ITGAV: variants seen among roughly 807,000 people sequenced by gnomAD.
ITGAV encodes integrin subunit alpha V.
ITGAV carries 76 observed loss-of-function variants against 143.8 expected under a neutral mutation model. The observed-to-expected ratio is 0.53, with a 90% CI of 0.44 to 0.64. The LOEUF (loss-of-function observed/expected upper bound fraction) is 0.64, where lower values mean the gene tolerates loss of function less well. ITGAV is among the 30% of genes least tolerant of loss of function. The pLI is 0.00. For synonymous variants in ITGAV, 453 were observed against 446.7 expected, an observed-to-expected ratio of 1.01 and a Z score of -0.18; for missense variants, 1,193 against 1,274.7, an observed-to-expected ratio of 0.94 and a Z score of 0.98.
chr2:186,630,491 A>G (rs1407257322), intron 4 of ITGAV, among the ~76,000 whole-genome samples: 4 of 151,834 alleles, frequency 2.6e-5, no homozygotes. Flanking sequence ...TTGGGTTGTG[A>G]TATAAATTAT....
chr2:186,663,203 T>C (rs1688795732), intron 18 of ITGAV, among the ~76,000 whole-genome samples: 1 of 152,166 alleles, frequency 6.6e-6, no homozygotes, highest in African/African-American at 2.4e-5. Context: ...TTCCTTCATC[T>C]TTTTCCAAAT....
intron 8 of ITGAV, among the ~76,000 whole-genome samples, chr2:186,637,481 C>CA (rs5836991): frequency 0.024 from 2,499 of 105,658 alleles, 22 homozygotes; most frequent in Middle Eastern, 0.083. Flanking sequence ...GACCCTGTCT[C>CA]AAAAAAAAAA....
intron 2 of ITGAV, among the ~76,000 whole-genome samples, chr2:186,620,495 G>A (rs1429011188): frequency 6.6e-6 from 1 of 152,204 alleles, no homozygotes; most frequent in African/African-American, 2.4e-5. Context: ...AGGCATGGTG[G>A]CTTACACCTG....
chr2:186,649,115 T>G (rs1688352822), intron 13 of ITGAV, among the ~76,000 whole-genome samples: 1 of 151,428 alleles, frequency 6.6e-6, no homozygotes, highest in Admixed American at 6.6e-5. Flanking sequence ...GATTGTATTT[T>G]GCTTTTCTTT....
In ITGAV at chr2:186,621,485, A is replaced by G. The variant is rs1687518189; in HGVS notation, c.317-854A>G. 2.0e-5 allele frequency among the ~76,000 whole-genome samples: 3 copies of G among 152,300 alleles called. No homozygotes were observed. In the South Asian group the frequency reaches 6.2e-4, roughly 32 times the overall value. ...TTACTGTTACCTACTCTAGTTCACA[A>G]TTCAAATTTCCACATTTATCCCAAT... On this transcript the variant is annotated intron_variant, in intron 2 of 29. Coordinates refer to ENST00000261023, the MANE Select transcript of ITGAV (RefSeq NM_002210.5).
intron 2 of ITGAV, among the ~76,000 whole-genome samples, chr2:186,611,014 C>A (rs1687200478): frequency 6.6e-6 from 1 of 152,110 alleles, no homozygotes; most frequent in Admixed American, 6.6e-5. Context: ...AAAATGGATT[C>A]ACTGGGCCAA....
rs1689306022 is a variant in ITGAV, at chr2:186,679,822, G to A, written c.*2530G>A. 1 of 151,836 alleles carries A rather than the reference G, an allele frequency of 6.6e-6. No individual in the cohort carries two copies. Among genetic ancestry groups the A allele is most frequent in the South Asian group, 2.1e-4 (1 of 4,822 alleles). 9.4% of individuals were successfully genotyped at this position (151,836 alleles called of 1,614,324 possible). A position where few individuals can be genotyped will look rare whatever the true frequency, so the allele number is the denominator to read the frequency against. ...CGATTATCACTGTAATTCTGAATCTGAAAGGTAAAACAATTAGTCAAAATA... is the reference window on the plus strand; with the variant it reads ...CGATTATCACTGTAATTCTGAATCTAAAAGGTAAAACAATTAGTCAAAATA... On this transcript the variant is annotated 3_prime_UTR_variant, in exon 30 of 30. Coordinates refer to ENST00000261023, the MANE Select transcript of ITGAV (RefSeq NM_002210.5).
In ITGAV at chr2:186,680,113, A is replaced by T. The variant is rs1316002011; in HGVS notation, c.*2821A>T. The stretch of plus-strand genomic sequence containing the variant: ...TCTTCCTAAGTTGCAAAATGTAATG[A>T]TGAGCTTGGTGGAGAAGAATGAGTC... On this transcript the variant is annotated 3_prime_UTR_variant, in exon 30 of 30. Coordinates refer to ENST00000261023, the MANE Select transcript of ITGAV (RefSeq NM_002210.5). 1 of 152,120 alleles carries T rather than the reference A, an allele frequency of 6.6e-6. No homozygotes were observed. The highest frequency in any genetic ancestry group is 2.1e-4 in the South Asian group (1 of 4,836). The allele number at this position is 152,120 out of a possible 1,614,324, so 9.4% of individuals were successfully genotyped here.
At chr2:186,640,790 C>A in intron 10 of ITGAV, 125 bp from the exon 11 acceptor site, 2 of 695,406 alleles carry the variant, frequency 2.9e-6, no homozygotes, top group Non-Finnish European at 4.8e-6. Flanking sequence ...AAAGACAAGA[C>A]ATTTAGATTG....
intron 18 of ITGAV, among the ~76,000 whole-genome samples, chr2:186,662,388 G>T (rs1471057458): frequency 6.6e-6 from 1 of 151,570 alleles, no homozygotes; most frequent in South Asian, 2.1e-4. Context: ...CGACAGTTAC[G>T]AATCTTTGTC....
chr2:186,669,722 G>T lies in ITGAV; in HGVS notation c.2614G>T (p.Glu872Ter). ...TTAGATCTCATCTTTGCAAACAACTGAAAAGAATGACACGGTTGCCGGGCA... is the reference window on the plus strand; with the variant it reads ...TTAGATCTCATCTTTGCAAACAACTTAAAAGAATGACACGGTTGCCGGGCA... Reference protein sequence around the residue: ...RIKISSLQTTEKNDTVAGQGE... With the variant: ...RIKISSLQTT The change falls in exon 26 of 30, where the codon GAA becomes TAA. Residue 872 changes from glutamate (E) to a stop codon, truncating the protein, a stop_gained. Coordinates refer to ENST00000261023, the MANE Select transcript of ITGAV (RefSeq NM_002210.5). LOFTEE classifies it high-confidence loss of function. 1 of 1,613,784 alleles carries T rather than the reference G, an allele frequency of 6.2e-7. No individual in the cohort carries two copies.
chr2:186,593,761 A>G (rs1200560253), intron 1 of ITGAV, among the ~76,000 whole-genome samples: 1 of 141,060 alleles, frequency 7.1e-6, no homozygotes, highest in Non-Finnish European at 1.5e-5. Context: ...AACCGTTTGC[A>G]GTCTAGTTAT....
intron 1 of ITGAV, among the ~76,000 whole-genome samples, chr2:186,593,193 A>G (rs1686661233): frequency 6.6e-6 from 1 of 152,280 alleles, no homozygotes; most frequent in Admixed American, 6.5e-5. Context: ...TGCTTTTTCC[A>G]GTTTTGGTGT....
In ITGAV at chr2:186,640,714, G is replaced by A. The variant is rs1289553706; in HGVS notation, c.904-201G>A. 3.9e-5 allele frequency among the ~76,000 whole-genome samples: 6 copies of A among 152,154 alleles called. No individual in the cohort carries two copies. The East Asian group carries it at 9.6e-4, about 24-fold the overall frequency. On this transcript the variant is annotated intron_variant, in intron 10 of 29. Coordinates refer to ENST00000261023, the MANE Select transcript of ITGAV (RefSeq NM_002210.5). ...ATTGTGTATATACATGTAATATATT[G>A]TGTCCATGATCTAGGAAAACAACAA...
intron 26 of ITGAV, among the ~76,000 whole-genome samples, chr2:186,671,448 A>G (rs1689060687): frequency 6.6e-6 from 1 of 152,094 alleles, no homozygotes; most frequent in Admixed American, 6.5e-5. Flanking sequence ...TTCTTTGTCC[A>G]GATATCCTTG....
intron 26 of ITGAV, among the ~76,000 whole-genome samples, chr2:186,672,375 T>G (rs1689091602): frequency 6.6e-6 from 1 of 152,248 alleles, no homozygotes; most frequent in Admixed American, 6.5e-5. Flanking sequence ...TGTGTTGCTA[T>G]GAACATTGAT....
chr2:186,651,599 A>G (rs1014722194), intron 14 of ITGAV, among the ~76,000 whole-genome samples: 7 of 152,142 alleles, frequency 4.6e-5, no homozygotes, highest in Admixed American at 6.5e-5. Flanking sequence ...CTCTCCCACT[A>G]AAACTATATG....
At chr2:186,598,419 ACT>A (rs1379308200) in intron 1 of ITGAV, among the ~76,000 whole-genome samples, 2 of 142,574 alleles carry the variant, frequency 1.4e-5, no homozygotes, top group Non-Finnish European at 3.0e-5. Context: ...GGAGGTGGGG[ACT>A]CTCTTACTCA....
chr2:186,671,831 G>A (rs1169194727), intron 26 of ITGAV, among the ~76,000 whole-genome samples: 1 of 151,740 alleles, frequency 6.6e-6, no homozygotes, highest in Non-Finnish European at 1.5e-5. Flanking sequence ...CTACTGATTT[G>A]CCTATTCTGG....
Sources: allele counts gnomAD v4.1 joint callset (sites outside exome capture counted in the v4.1 genomes callset), GRCh38; gene constraint gnomAD v4.1.1; transcripts MANE v1.5; gene names NCBI Gene and HGNC (gene_info 2026-07-23, HGNC 2026-07-21).